The following ANKS1B variants were observed in gnomAD, a reference collection of about 807,000 sequenced individuals.
The protein encoded by ANKS1B is ankyrin repeat and sterile alpha motif domain-containing protein 1B.
A neutral mutation model predicts 148.3 loss-of-function variants in ANKS1B; 36 were observed. The observed-to-expected ratio is 0.24, with a 90% CI of 0.19 to 0.32. ANKS1B has a LOEUF of 0.32. ANKS1B is among the 10% of genes least tolerant of loss of function. ANKS1B has a pLI of 1.00. For missense variants in ANKS1B, 1,157 were observed against 1,542.6 expected, an observed-to-expected ratio of 0.75 and a Z score of 4.19; for synonymous variants, 542 against 560.8, an observed-to-expected ratio of 0.97 and a Z score of 0.47.
intron 17 of ANKS1B, among the ~76,000 whole-genome samples, chr12:98,989,343 CA>C (rs2153275079): frequency 6.6e-6 from 1 of 152,270 alleles, no homozygotes; most frequent in African/African-American, 2.4e-5. Context: ...CCAGTTTTCC[CA>C]ACACCATTTA....
At chr12:99,799,981 A>G (rs151215677) in intron 4 of ANKS1B, among the ~76,000 whole-genome samples, 2 of 152,274 alleles carry the variant, frequency 1.3e-5, no homozygotes, top group Non-Finnish European at 2.9e-5. Context: ...AAATGAAATT[A>G]CCTGACTGAA....
At chr12:98,820,397 C>T (rs1050360943) in intron 19 of ANKS1B, among the ~76,000 whole-genome samples, 11 of 152,180 alleles carry the variant, frequency 7.2e-5, no homozygotes, top group East Asian at 1.9e-4. Context: ...ACCGATGATA[C>T]GCTATTGTTC....
intron 12 of ANKS1B, among the ~76,000 whole-genome samples, chr12:99,314,924 T>C (rs986740816): frequency 5.9e-5 from 9 of 152,086 alleles, no homozygotes; most frequent in Admixed American, 5.9e-4. Flanking sequence ...AAATACGATC[T>C]AATTAAAGAG....
At chr12:99,922,076 C>T (rs1476004516) in intron 1 of ANKS1B, among the ~76,000 whole-genome samples, 2 of 152,074 alleles carry the variant, frequency 1.3e-5, no homozygotes, top group African/African-American at 4.8e-5. Flanking sequence ...TCAGTTTCCT[C>T]CTCTATAAAA....
intron 14 of ANKS1B, among the ~76,000 whole-genome samples, chr12:99,164,202 A>ATG (rs1198186207): frequency 6.6e-5 from 10 of 152,174 alleles, no homozygotes; most frequent in Non-Finnish European, 1.3e-4. Flanking sequence ...TTTATGGATC[A>ATG]TGTTTTTGGT....
At chr12:99,784,946 CTGTAAGTT>C (rs2064839884) in intron 4 of ANKS1B, among the ~76,000 whole-genome samples, 2 of 152,180 alleles carry the variant, frequency 1.3e-5, no homozygotes, top group African/African-American at 4.8e-5. Flanking sequence ...CCATAATAAA[CTGTAAGTT>C]CAGCGGAAAT....
intron 1 of ANKS1B, among the ~76,000 whole-genome samples, chr12:99,865,415 G>A (rs2090599865): frequency 1.3e-5 from 2 of 152,054 alleles, no homozygotes; most frequent in African/African-American, 4.8e-5. Context: ...CGGTGGGAGG[G>A]GGAAAGGGGT....
intron 16 of ANKS1B, among the ~76,000 whole-genome samples, chr12:99,065,922 C>G (rs536946843): frequency 6.6e-6 from 1 of 151,996 alleles, no homozygotes; most frequent in Non-Finnish European, 1.5e-5. Context: ...GTGGGGGGAT[C>G]GGAAGTACTG....
At chr12:98,973,095 T>C (rs1234369480) in intron 17 of ANKS1B, among the ~76,000 whole-genome samples, 3 of 152,176 alleles carry the variant, frequency 2.0e-5, no homozygotes, top group African/African-American at 7.2e-5. Context: ...GAGTGGGAAA[T>C]TAATTTTTAT....
chr12:99,956,268 ACT>A (rs2095322827), intron 1 of ANKS1B, among the ~76,000 whole-genome samples: 1 of 141,012 alleles, frequency 7.1e-6, no homozygotes, highest in Non-Finnish European at 1.5e-5. Context: ...ACAGAGGGAG[ACT>A]CTGTCTCAAA....
intron 4 of ANKS1B, among the ~76,000 whole-genome samples, chr12:99,790,450 C>A (rs1258600129): frequency 6.6e-6 from 1 of 151,804 alleles, no homozygotes; most frequent in Non-Finnish European, 1.5e-5. Context: ...GGTAATAGCC[C>A]ACAGAAAATC....
Position 99,143,761 on chromosome 12 carries a change from T to C in ANKS1B, c.2526+10528A>G, listed in dbSNP as rs2071888703. ...TTTCCTTAGTCTAGACTGCTTAATA[T>C]CTGTATAAGGCCATTTTTTTCTTCT... On this transcript the variant is annotated intron_variant, in intron 15 of 26. Coordinates refer to ENST00000683438, the MANE Select transcript of ANKS1B (RefSeq NM_001352186.2). Among the ~76,000 whole-genome samples, 2 of 152,038 alleles carry C rather than the reference T, an allele frequency of 1.3e-5. 1 individual carries two copies. The highest frequency in any genetic ancestry group is 4.1e-4 in the South Asian group (2 of 4,826).
At chr12:98,776,623 C>T (rs1043002949) in intron 24 of ANKS1B, among the ~76,000 whole-genome samples, 7 of 152,152 alleles carry the variant, frequency 4.6e-5, no homozygotes, top group African/African-American at 9.7e-5. Flanking sequence ...CTGAGAAGGG[C>T]GCGTGGTGAT....
At chr12:99,847,262 T>C (rs1239000161) in intron 1 of ANKS1B, among the ~76,000 whole-genome samples, 3 of 152,046 alleles carry the variant, frequency 2.0e-5, no homozygotes, top group African/African-American at 7.2e-5. Flanking sequence ...CATGCCACCA[T>C]ACTTGGTTGG....
chr12:99,857,392 C>A (rs1247223815), intron 1 of ANKS1B, among the ~76,000 whole-genome samples: 1 of 152,094 alleles, frequency 6.6e-6, no homozygotes. Context: ...TCATAGACAA[C>A]ACAAACAAAT....
At chr12:99,683,906 G>C (rs1309564432) in intron 8 of ANKS1B, among the ~76,000 whole-genome samples, 1 of 152,042 alleles carries the variant, frequency 6.6e-6, no homozygotes, top group African/African-American at 2.4e-5. Context: ...ACAAAATCCA[G>C]TATCCCTTTA....
intron 17 of ANKS1B, chr12:98,895,238 C>T: frequency 2.0e-6 from 2 of 985,662 alleles, no homozygotes; most frequent in South Asian, 4.7e-5. Context: ...GGGCCTCCTC[C>T]TGGCTCCCAG....
chr12:99,453,920 G>C lies in ANKS1B; in HGVS notation c.1439-10111C>G, dbSNP rs2095801730. On this transcript the variant is annotated intron_variant, in intron 10 of 26. Transcript: ENST00000683438. ...AAGAATGAGCCACTAACCAAATGAG[G>C]GGGCCAGAGCAGAAAGTTAGGTTAT... is the stretch of plus-strand genomic sequence containing the variant. Among the ~76,000 whole-genome samples, 6 of 152,256 alleles carry C rather than the reference G, an allele frequency of 3.9e-5. 1 individual carries two copies. In the South Asian group the frequency reaches 1.0e-3, roughly 26 times the overall value.
chr12:99,789,465 C>T (rs192772574), intron 4 of ANKS1B, among the ~76,000 whole-genome samples: 1 of 152,056 alleles, frequency 6.6e-6, no homozygotes, highest in Non-Finnish European at 1.5e-5. Flanking sequence ...ACATAAGGCA[C>T]CAGGGACAAG....
Sources: gnomAD v4.1 joint callset for allele counts (sites outside exome capture counted in the v4.1 genomes callset) on GRCh38, gnomAD v4.1.1 for gene constraint, MANE v1.5 for transcripts, NCBI Gene and HGNC (gene_info 2026-07-23, HGNC 2026-07-21) for gene names.